The following GOLM2 variants were observed in gnomAD, a reference collection of about 807,000 sequenced individuals.
GOLM2 encodes the protein golgi membrane protein 2.
In GOLM2, 26 loss-of-function variants were observed where a neutral mutation model predicts 55.9. The observed-to-expected ratio is 0.47, with a 90% confidence interval of 0.34 to 0.65. GOLM2 has a LOEUF of 0.65. Ranked by LOEUF, GOLM2 falls within the 30% of genes least tolerant of loss-of-function variation. GOLM2 has a pLI of 0.01. For synonymous variants in GOLM2, 165 were observed against 194.6 expected, an observed-to-expected ratio of 0.85 and a Z score of 1.27; for missense variants, 486 against 531.8, an observed-to-expected ratio of 0.91 and a Z score of 0.85.
At chr15:44,343,123 C>G (rs865976892) in intron 6 of GOLM2, among the ~76,000 whole-genome samples, 1 of 152,044 alleles carries the variant, frequency 6.6e-6, no homozygotes, top group Non-Finnish European at 1.5e-5. Flanking sequence ...CACTTGAGGT[C>G]AGGAGTTCAA....
chr15:44,359,221 A>G (rs2079218895), intron 6 of GOLM2, among the ~76,000 whole-genome samples: 1 of 152,032 alleles, frequency 6.6e-6, no homozygotes, highest in South Asian at 2.1e-4. Flanking sequence ...AGAAGACAAG[A>G]CTGGGAGAAA....
intron 6 of GOLM2, among the ~76,000 whole-genome samples, chr15:44,341,219 T>G (rs1053352404): frequency 4.0e-5 from 6 of 151,806 alleles, no homozygotes; most frequent in African/African-American, 1.5e-4. Flanking sequence ...TAGCTGGGAC[T>G]ACAGATGCCC....
At chr15:44,297,419 T>G (rs1365874014) in intron 1 of GOLM2, among the ~76,000 whole-genome samples, 1 of 152,190 alleles carries the variant, frequency 6.6e-6, no homozygotes, top group Non-Finnish European at 1.5e-5. Context: ...AAATTGTATT[T>G]CAGGCTGATT....
chr15:44,316,439 A>G (rs2078910263), intron 1 of GOLM2, among the ~76,000 whole-genome samples: 2 of 152,184 alleles, frequency 1.3e-5, no homozygotes, highest in Non-Finnish European at 2.9e-5. Flanking sequence ...GAAGGCTCTC[A>G]GAGGAAGGGT....
intron 6 of GOLM2, chr15:44,355,296 A>C (rs1251550123): frequency 6.2e-6 from 1 of 160,328 alleles, no homozygotes; most frequent in East Asian, 1.9e-4. Flanking sequence ...GGAGCTCTGC[A>C]GAACATTATT....
At chr15:44,376,039 C>G (rs1307447127) in intron 6 of GOLM2, among the ~76,000 whole-genome samples, 1 of 152,120 alleles carries the variant, frequency 6.6e-6, no homozygotes, top group Non-Finnish European at 1.5e-5. Context: ...GAGTTCGAGA[C>G]CAGTCTGACC....
chr15:44,332,559 C>CAA (rs538749477), intron 4 of GOLM2, among the ~76,000 whole-genome samples: 10 of 120,864 alleles, frequency 8.3e-5, no homozygotes, highest in South Asian at 2.7e-4. Context: ...GACTCCGTTT[C>CAA]AAAAAAAAAA....
At chr15:44,376,733 C>G (rs142706462) in intron 6 of GOLM2, among the ~76,000 whole-genome samples, 1 of 152,192 alleles carries the variant, frequency 6.6e-6, no homozygotes, top group African/African-American at 2.4e-5. Context: ...TTTTCTAGAT[C>G]ATCGTTTGTT....
At chr15:44,322,450 A>AG (rs1223879055) in intron 1 of GOLM2, among the ~76,000 whole-genome samples, 1 of 152,226 alleles carries the variant, frequency 6.6e-6, no homozygotes, top group Non-Finnish European at 1.5e-5. Context: ...ACTTTGGGGT[A>AG]GACAAGAGAT....
At chr15:44,321,355 C>T (rs552457566) in intron 1 of GOLM2, among the ~76,000 whole-genome samples, 1 of 151,696 alleles carries the variant, frequency 6.6e-6, no homozygotes, top group East Asian at 1.9e-4. Flanking sequence ...GCCTGTAGTC[C>T]CAGCTATCAG....
rs1458473838 is a variant in GOLM2, at chr15:44,398,745, C to T, written c.1073-4142C>T. ...CAAATAGAGCAATCTCAGCTCACTG[C>T]AACCTCCACCTCCCGGGTTCAAGCG... On this transcript the variant is annotated intron_variant, in intron 8 of 9. Transcript: ENST00000299957. 5.5e-5 allele frequency among the ~76,000 whole-genome samples: 8 copies of T among 146,692 alleles called. No individual in the cohort carries two copies. In the Admixed American group the frequency reaches 5.6e-4, roughly 10 times the overall value.
intron 6 of GOLM2, among the ~76,000 whole-genome samples, chr15:44,366,166 G>A (rs146430177): frequency 9.7e-4 from 147 of 151,918 alleles, no homozygotes; most frequent in African/African-American, 3.1e-3. Context: ...GCGTGGTGGC[G>A]GGCGCCTGTA....
At chr15:44,333,081 T>C (rs2079033037) in intron 4 of GOLM2, among the ~76,000 whole-genome samples, 1 of 152,054 alleles carries the variant, frequency 6.6e-6, no homozygotes, top group Admixed American at 6.6e-5. Flanking sequence ...TACAGGCGCC[T>C]GCCACCACGC....
intron 6 of GOLM2, among the ~76,000 whole-genome samples, chr15:44,375,286 T>C (rs975149440): frequency 6.6e-6 from 1 of 152,202 alleles, no homozygotes; most frequent in African/African-American, 2.4e-5. Context: ...CCCAAAGTGC[T>C]GAGATTACAC....
chr15:44,372,541 TA>T (rs1288268029), intron 6 of GOLM2, among the ~76,000 whole-genome samples: 1 of 152,226 alleles, frequency 6.6e-6, no homozygotes, highest in Non-Finnish European at 1.5e-5. Flanking sequence ...CCAGTTTCTT[TA>T]GAAATGTTTA....
intron 9 of GOLM2, among the ~76,000 whole-genome samples, chr15:44,412,170 AAAACAAAC>A (rs60520310): frequency 6.6e-6 from 1 of 152,068 alleles, no homozygotes; most frequent in African/African-American, 2.4e-5. Flanking sequence ...CTGTCTCAGA[AAAACAAAC>A]AAACAAACAA....
At chr15:44,303,181 A>G (rs929902904) in intron 1 of GOLM2, among the ~76,000 whole-genome samples, 5 of 152,194 alleles carry the variant, frequency 3.3e-5, no homozygotes, top group African/African-American at 9.6e-5. Context: ...AATATTTCAT[A>G]CTATTCCCTA....
At chr15:44,363,126 G>A (rs978557561) in intron 6 of GOLM2, among the ~76,000 whole-genome samples, 1,731 of 152,180 alleles carry the variant, frequency 0.011, 41 homozygotes, top group African/African-American at 0.04. Flanking sequence ...TCAGGACATA[G>A]GCACGGGCAA....
At chr15:44,365,600 A>G (rs2079278214) in intron 6 of GOLM2, among the ~76,000 whole-genome samples, 2 of 152,212 alleles carry the variant, frequency 1.3e-5, no homozygotes, top group Admixed American at 6.5e-5. Context: ...ATACTGTATA[A>G]TTACAACTAT....
Sources: allele counts gnomAD v4.1 joint callset (sites outside exome capture counted in the v4.1 genomes callset), GRCh38; gene constraint gnomAD v4.1.1; transcripts MANE v1.5; gene names NCBI Gene and HGNC (gene_info 2026-07-23, HGNC 2026-07-21).